The following RTCA variants were observed in gnomAD, a reference collection of about 807,000 sequenced individuals.
RTCA encodes the protein RNA terminal phosphate cyclase domain 1.
In RTCA, 37 loss-of-function variants were observed where a neutral mutation model predicts 46.1. That is an observed-to-expected ratio of 0.80 (90% confidence interval 0.62 to 1.06). The LOEUF (loss-of-function observed/expected upper bound fraction) is 1.06, where lower values mean the gene tolerates loss of function less well. Ranked by LOEUF, RTCA falls within the 50% of genes least tolerant of loss-of-function variation. RTCA has a pLI of 0.00. For synonymous variants in RTCA, 164 were observed against 158.3 expected (o/e 1.04, Z -0.27); for missense variants, 435 against 455.5 (o/e 0.95, Z 0.41).
At chr1:100,276,491 A>T (rs972596723) in intron 7 of RTCA, among the ~76,000 whole-genome samples, 1 of 152,164 alleles carries the variant, frequency 6.6e-6, no homozygotes, top group Non-Finnish European at 1.5e-5. Flanking sequence ...ATCCTGGCCA[A>T]CATGGTGAAA....
intron 4 of RTCA, among the ~76,000 whole-genome samples, chr1:100,271,799 A>C (rs891066520): frequency 3.0e-4 from 45 of 152,232 alleles, no homozygotes; most frequent in African/African-American, 1.1e-3. Flanking sequence ...ATCAAGACAT[A>C]GAATAGTTCC....
intron 3 of RTCA, among the ~76,000 whole-genome samples, chr1:100,269,174 G>C (rs1665943816): frequency 6.6e-6 from 1 of 151,768 alleles, no homozygotes; most frequent in South Asian, 2.1e-4. Flanking sequence ...CTCCAGCCTG[G>C]GTGATGGAAG....
intron 3 of RTCA, among the ~76,000 whole-genome samples, chr1:100,268,579 A>C (rs1665913826): frequency 6.6e-6 from 1 of 152,062 alleles, no homozygotes; most frequent in African/African-American, 2.4e-5. Flanking sequence ...TATTTTTTAA[A>C]GAGACAAGGT....
At chr1:100,281,031 A>G (rs1462853181) in intron 8 of RTCA, among the ~76,000 whole-genome samples, 1 of 152,170 alleles carries the variant, frequency 6.6e-6, no homozygotes, top group East Asian at 1.9e-4. Context: ...CAAAACTACC[A>G]GACCTTGAAT....
intron 4 of RTCA, among the ~76,000 whole-genome samples, chr1:100,271,518 T>C (rs888684672): frequency 3.3e-5 from 5 of 152,216 alleles, no homozygotes; most frequent in Admixed American, 2.6e-4. Context: ...AGTTGTGATG[T>C]GTTATTTTAT....
At position 100,268,209 on chromosome 1, in the gene RTCA, G is replaced by T; in HGVS notation, c.204G>T (p.Glu68Asp). The change falls in exon 3 of 11, where the codon GAG (glutamate) becomes GAT (aspartate). Residue 68 changes from glutamate (E) to aspartate (D), a missense_variant. Glu to Asp is a conservative substitution (Grantham distance 45). Coordinates refer to ENST00000370128, the MANE Select transcript of RTCA (RefSeq NM_003729.4). Reference sequence around the variant, plus strand: ...GAGATTTGTGTGATGGGCAACTGGAGGGGGCAGAAATTGGCTCAACAGAAA... The same window carrying T: ...GAGATTTGTGTGATGGGCAACTGGATGGGGCAGAAATTGGCTCAACAGAAA... The part of the protein sequence containing the change: ...MIRDLCDGQL[E>D]GAEIGSTEIT... 6.2e-7 allele frequency: 1 copy of T among 1,614,182 alleles called. No homozygotes were observed. The highest frequency in any genetic ancestry group is 1.1e-5 in the South Asian group (1 of 91,090).
At chr1:100,275,776 TAATTA>T in intron 7 of RTCA, 53 bp downstream of exon 7, 2 of 1,442,856 alleles carry the variant, frequency 1.4e-6, no homozygotes, top group African/African-American at 1.4e-5. Flanking sequence ...AATAGTTATC[TAATTA>T]AATTAAAGAT....
At position 100,274,812 on chromosome 1, in the gene RTCA, T is replaced by C. The variant is rs1666284225; in HGVS notation, c.474-12T>C. On this transcript the variant is annotated splice_polypyrimidine_tract_variant and intron_variant, in intron 5 of 10. Transcript: ENST00000370128. ...AATCAGTTTATGTGGGCATTTGTTA[T>C]ACTTTTCATAGGGGATATTACCCAA... 1.9e-6 allele frequency: 3 copies of C among 1,601,108 alleles called. No homozygotes were observed. The highest frequency in any genetic ancestry group is 1.1e-5 in the South Asian group (1 of 89,264).
rs371262880 is a variant in RTCA at position 100,275,729 on chromosome 1, A to G, written c.740+6A>G. 6.2e-7 allele frequency: 1 copy of G among 1,603,488 alleles called. No individual in the cohort carries two copies. The highest frequency in any genetic ancestry group is 8.5e-7 in the Non-Finnish European group (1 of 1,175,548). ...GGCAATGGAAATGGAATAATGTGAG[A>G]CAATACTTTTTCCTACACATTAGTT... On this transcript the variant is annotated splice_donor_region_variant and intron_variant, in intron 7 of 10. Coordinates refer to ENST00000370128, the MANE Select transcript of RTCA (RefSeq NM_003729.4).
intron 9 of RTCA, among the ~76,000 whole-genome samples, chr1:100,285,772 G>A (rs1425329374): frequency 6.6e-6 from 1 of 152,056 alleles, no homozygotes; most frequent in Non-Finnish European, 1.5e-5. Flanking sequence ...GGCACATGCT[G>A]TCATGCCTAC....
intron 3 of RTCA, among the ~76,000 whole-genome samples, chr1:100,270,101 C>T (rs1666000044): frequency 1.3e-5 from 2 of 152,186 alleles, no homozygotes; most frequent in Admixed American, 6.5e-5. Flanking sequence ...ATACCTGGAA[C>T]AGTACCTTGT....
At chr1:100,276,055 T>C (rs1239819814) in intron 7 of RTCA, among the ~76,000 whole-genome samples, 1 of 151,998 alleles carries the variant, frequency 6.6e-6, no homozygotes, top group Non-Finnish European at 1.5e-5. Flanking sequence ...CAGGGTGGTC[T>C]TGATCTCCTG....
intron 7 of RTCA, among the ~76,000 whole-genome samples, chr1:100,276,036 C>T (rs781477294): frequency 1.3e-4 from 20 of 151,886 alleles, no homozygotes; most frequent in Non-Finnish European, 2.9e-4. Context: ...AGGGTTTCAC[C>T]GTGTTAGCCA....
In RTCA at chr1:100,274,895, AT is replaced by A; in HGVS notation, c.548del (p.Leu183Ter). On this transcript the variant is annotated frameshift_variant, in exon 6 of 11. Transcript: ENST00000370128. LOFTEE classifies it high-confidence loss of function. ...MSPVKQLNPI[N>X]LTERGCVTKI... ...CCAGTTAAACAATTGAACCCTATAA[AT>A]TTAACTGAGCGTGGCTGTGTGACTA... 1 of 1,613,830 alleles carries A rather than the reference AT, an allele frequency of 6.2e-7. No homozygotes were observed. Among genetic ancestry groups the A allele is most frequent in the Non-Finnish European group, 8.5e-7 (1 of 1,179,786 alleles).
chr1:100,267,526 A>C (rs1447810318), intron 2 of RTCA: 1 of 1,545,472 alleles, frequency 6.5e-7, no homozygotes, highest in East Asian at 2.4e-5. Flanking sequence ...TCCAAGATCA[A>C]GGTCCTGACA....
intron 4 of RTCA, 131 bp downstream of exon 4, chr1:100,270,811 CTTTCT>C: frequency 6.9e-6 from 8 of 1,164,826 alleles, no homozygotes; most frequent in African/African-American, 1.6e-5. Context: ...TTCTTTCTTT[CTTTCT>C]TTTTTTTTTT....
At chr1:100,270,044 T>C (rs1183254070) in intron 3 of RTCA, among the ~76,000 whole-genome samples, 3 of 152,196 alleles carry the variant, frequency 2.0e-5, no homozygotes, top group Non-Finnish European at 2.9e-5. Context: ...GCGTAAAATA[T>C]TATTCTATCA....
chr1:100,288,685 C>G (rs555236791), intron 10 of RTCA, among the ~76,000 whole-genome samples: 1 of 152,202 alleles, frequency 6.6e-6, no homozygotes, highest in African/African-American at 2.4e-5. Context: ...GCCAGCATGC[C>G]CAGCCCTAGT....
chr1:100,266,312 T>C lies in RTCA; in HGVS notation c.-64T>C. The C allele has an allele frequency of 1.3e-6, 2 of 1,586,636 alleles. No individual in the cohort carries two copies. The highest frequency in any genetic ancestry group is 1.9e-5 in the Admixed American group (1 of 52,014). On this transcript the variant is annotated 5_prime_UTR_variant, in exon 1 of 11. Coordinates refer to ENST00000370128, the MANE Select transcript of RTCA (RefSeq NM_003729.4). Reference sequence around the variant, plus strand: ...CTGAACTACTGGGCGGGAGCCAACGTCTCTTCTTTCTCCCGCTCTGGCGGA... The same window carrying C: ...CTGAACTACTGGGCGGGAGCCAACGCCTCTTCTTTCTCCCGCTCTGGCGGA...
Sources: allele counts gnomAD v4.1 joint callset (sites outside exome capture counted in the v4.1 genomes callset), GRCh38; gene constraint gnomAD v4.1.1; transcripts MANE v1.5; gene names NCBI Gene and HGNC (gene_info 2026-07-23, HGNC 2026-07-21).